Variants in HNF4G observed in about 807,000 individuals in gnomAD.
HNF4G encodes hepatocyte nuclear factor 4-gamma.
A neutral mutation model predicts 50.9 loss-of-function variants in HNF4G; 21 were observed. The ratio of observed to expected loss-of-function variants is 0.41; its 90% CI spans 0.29 to 0.59. The LOEUF is 0.59. Among genes scored for constraint, HNF4G ranks in the 20% least tolerant of loss-of-function variants. The pLI, the probability that HNF4G is intolerant of heterozygous loss-of-function variation, is 0.26. For synonymous variants in HNF4G, 198 were observed against 185.6 expected, an observed-to-expected ratio of 1.07 and a Z score of -0.54; for missense variants, 527 against 559.4, an observed-to-expected ratio of 0.94 and a Z score of 0.58.
Position 75,507,762 on chromosome 8 carries a change from A to G in HNF4G, c.-24+17554A>G, listed in dbSNP as rs1317104212. ...AAAAGAATTAATTCATCAAAATTTA[A>G]CTAGTTACATGTTTTTAAAGTACAT... is the stretch of plus-strand genomic sequence containing the variant. On this transcript the variant is annotated intron_variant, in intron 2 of 10. Transcript: ENST00000354370. Among the ~76,000 whole-genome samples the G allele has an allele frequency of 3.3e-5, 5 of 152,202 alleles. No homozygotes were observed. In the East Asian group the frequency reaches 9.6e-4, roughly 29 times the overall value.
intron 2 of HNF4G, among the ~76,000 whole-genome samples, chr8:75,529,012 C>T (rs1002892203): frequency 6.6e-6 from 1 of 151,920 alleles, no homozygotes; most frequent in Non-Finnish European, 1.5e-5. Context: ...CTCTGCCGGG[C>T]GCGGTGGCTA....
chr8:75,486,657 C>T (rs897297318), intron 1 of HNF4G, among the ~76,000 whole-genome samples: 2 of 152,096 alleles, frequency 1.3e-5, no homozygotes, highest in Non-Finnish European at 2.9e-5. Flanking sequence ...CAAAAATTTT[C>T]TATGCTGAAA....
chr8:75,540,956 C>CTGGT (rs1334344243), intron 1 of HNF4G, among the ~76,000 whole-genome samples: 1 of 151,030 alleles, frequency 6.6e-6, no homozygotes, highest in African/African-American at 2.4e-5. Context: ...ATTTGTATGA[C>CTGGT]TGGTGTTCTG....
rs145532316 is a variant in HNF4G at position 75,448,856 on chromosome 8, T to C, written c.-144+40694T>C. Among the ~76,000 whole-genome samples, 4 of 152,266 alleles carry C rather than the reference T, an allele frequency of 2.6e-5. No individual in the cohort carries two copies. In the East Asian group the frequency reaches 7.7e-4, roughly 29 times the overall value. On this transcript the variant is annotated intron_variant, in intron 1 of 10. Coordinates refer to the HNF4G transcript ENST00000354370. ...TAGGACTATATCAGAATTATACAAA[T>C]CAAGCAACCTGTTGACATTATTTTC... is the stretch of plus-strand genomic sequence containing the variant.
intron 2 of HNF4G, among the ~76,000 whole-genome samples, chr8:75,514,354 C>CTTTTTTTTTTT (rs36078375): frequency 6.4e-5 from 8 of 125,044 alleles, no homozygotes; most frequent in Admixed American, 1.7e-4. Flanking sequence ...TTTCTTCTTT[C>CTTTTTTTTTTT]TTTTTTTTTT....
At chr8:75,527,202 G>A (rs1456264484) in intron 2 of HNF4G, 2 of 152,038 alleles carry the variant, frequency 1.3e-5, no homozygotes, top group African/African-American at 2.4e-5. Context: ...GGAGCAAAAC[G>A]GCTATGATGT....
rs145256041 is a variant in HNF4G at position 75,560,073 on chromosome 8, A to C, written c.1124-271A>C. Among the ~76,000 whole-genome samples, 823 of 152,336 alleles carry C rather than the reference A, an allele frequency of 5.4e-3. 5 individuals are homozygous for C. Among genetic ancestry groups the C allele is most frequent in the African/African-American group, 0.019 (789 of 41,582 alleles). ...TGATTCTTGGAATTGCCTTAACAACAGGCAGCGAACCTAATGATTCCAGGA... is the reference window on the plus strand; with the variant it reads ...TGATTCTTGGAATTGCCTTAACAACCGGCAGCGAACCTAATGATTCCAGGA... On this transcript the variant is annotated intron_variant, in intron 8 of 9. Transcript: ENST00000396423.
intron 1 of HNF4G, among the ~76,000 whole-genome samples, chr8:75,448,977 T>C (rs1326396832): frequency 6.6e-6 from 1 of 151,952 alleles, no homozygotes; most frequent in African/African-American, 2.4e-5. Flanking sequence ...ACAAAGAAAA[T>C]CAAATAGCAT....
chr8:75,527,453 G>A (rs530959789), intron 2 of HNF4G, among the ~76,000 whole-genome samples: 7 of 152,218 alleles, frequency 4.6e-5, no homozygotes, highest in Admixed American at 3.3e-4. Context: ...TTCAGTATTC[G>A]CTAATTCAAT....
intron 2 of HNF4G, among the ~76,000 whole-genome samples, chr8:75,530,891 C>G (rs540522597): frequency 1.3e-5 from 2 of 148,474 alleles, no homozygotes; most frequent in South Asian, 4.2e-4. Flanking sequence ...CTCCTGGGTT[C>G]GAGTGATTCT....
At chr8:75,439,235 G>A (rs983663284) in intron 1 of HNF4G, among the ~76,000 whole-genome samples, 3 of 151,926 alleles carry the variant, frequency 2.0e-5, no homozygotes, top group Admixed American at 6.6e-5. Flanking sequence ...ATTAACCCAT[G>A]GAGCCTGGGA....
At chr8:75,496,898 G>C (rs1463582571) in intron 2 of HNF4G, among the ~76,000 whole-genome samples, 1 of 152,008 alleles carries the variant, frequency 6.6e-6, no homozygotes, top group African/African-American at 2.4e-5. Context: ...GAGAAATGCA[G>C]TTTTTGGAAA....
rs879249509 is a variant in HNF4G, at chr8:75,563,971, T to C, written c.1247-4T>C. On this transcript the variant is annotated splice_polypyrimidine_tract_variant and splice_region_variant and intron_variant, in intron 9 of 9. Coordinates refer to ENST00000396423, the MANE Select transcript of HNF4G (RefSeq NM_004133.5). The stretch of plus-strand genomic sequence containing the variant: ...TTAGACTCAATTCTCTGATTCTTTT[T>C]CAGCAACTCCTGAAACCCCACTCCC... The C allele has an allele frequency of 1.1e-5, 17 of 1,613,070 alleles. 1 individual carries two copies. The highest frequency in any genetic ancestry group is 6.7e-5 in the East Asian group (3 of 44,864).
At chr8:75,484,063 G>A (rs936033275) in intron 1 of HNF4G, among the ~76,000 whole-genome samples, 4 of 152,086 alleles carry the variant, frequency 2.6e-5, no homozygotes, top group African/African-American at 9.7e-5. Context: ...TTTTCAGAAC[G>A]TAAATTTTTA....
chr8:75,414,366 AC>A (rs2130469450), intron 1 of HNF4G, among the ~76,000 whole-genome samples: 1 of 152,100 alleles, frequency 6.6e-6, no homozygotes, highest in African/African-American at 2.4e-5. Flanking sequence ...AGAAAAAAAA[AC>A]CTTGGATTTA....
intron 9 of HNF4G, among the ~76,000 whole-genome samples, chr8:75,560,764 T>C (rs769451471): frequency 8.5e-5 from 13 of 152,116 alleles, no homozygotes; most frequent in Non-Finnish European, 1.3e-4. Context: ...AAAACGACAA[T>C]GCAAGCTGAA....
At chr8:75,559,278 T>G (rs1177541588) in intron 8 of HNF4G, among the ~76,000 whole-genome samples, 1 of 20,182 alleles carries the variant, frequency 5.0e-5, no homozygotes, top group African/African-American at 8.3e-4. Flanking sequence ...TTTTTGTTTG[T>G]TTTTTTTTTT....
At chr8:75,419,185 C>A (rs867245509) in intron 1 of HNF4G, among the ~76,000 whole-genome samples, 1 of 152,162 alleles carries the variant, frequency 6.6e-6, no homozygotes, top group Non-Finnish European at 1.5e-5. Flanking sequence ...CTGAGACTAT[C>A]AGAAGTTAAA....
chr8:75,481,176 A>G (rs942704544), intron 1 of HNF4G, among the ~76,000 whole-genome samples: 2 of 152,198 alleles, frequency 1.3e-5, no homozygotes, highest in African/African-American at 2.4e-5. Flanking sequence ...AGATAATTCC[A>G]TAAAGTAAAG....
Sources: gnomAD v4.1 joint callset for allele counts (sites outside exome capture counted in the v4.1 genomes callset) on GRCh38, gnomAD v4.1.1 for gene constraint, MANE v1.5 for transcripts, NCBI Gene and HGNC (gene_info 2026-07-23, HGNC 2026-07-21) for gene names.